The following IL1R1 variants were observed in gnomAD, a reference collection of about 807,000 sequenced individuals.
IL1R1 encodes the protein interleukin-1 receptor type 1.
IL1R1 carries 22 observed loss-of-function variants against 50.2 expected under a neutral mutation model. The observed-to-expected ratio is 0.44, with a 90% confidence interval of 0.31 to 0.63. The LOEUF is 0.63. Ranked by LOEUF, IL1R1 falls within the 20% of genes least tolerant of loss-of-function variation. The pLI is 0.07. For synonymous variants in IL1R1, 251 were observed against 236.7 expected, an observed-to-expected ratio of 1.06 and a Z score of -0.55; for missense variants, 509 against 676.2, an observed-to-expected ratio of 0.75 and a Z score of 2.74.
rs75203714 is a variant in IL1R1, at chr2:102,106,771, G to A, written c.-84+1899G>A. Among the ~76,000 whole-genome samples, 246 of 152,320 alleles carry A rather than the reference G, an allele frequency of 1.6e-3. 10 individuals are homozygous for A. The East Asian group carries it at 0.046, about 29-fold the overall frequency. Reference sequence around the variant, plus strand: ...CGGTTATCTGCTTTTACCTCACAGCGATGGAGCATCTTGTTATGAGAATGA... The same window carrying A: ...CGGTTATCTGCTTTTACCTCACAGCAATGGAGCATCTTGTTATGAGAATGA... On this transcript the variant is annotated intron_variant, in intron 1 of 10. Transcript: ENST00000409329.
chr2:102,091,284 C>T (rs1464645841), intron 1 of IL1R1, among the ~76,000 whole-genome samples: 2 of 152,144 alleles, frequency 1.3e-5, no homozygotes, highest in African/African-American at 4.8e-5. Context: ...TCTTTAACAG[C>T]ATCTTGGATA....
chr2:102,154,876 A>G (rs1684027083), intron 2 of IL1R1, among the ~76,000 whole-genome samples: 1 of 152,162 alleles, frequency 6.6e-6, no homozygotes, highest in Non-Finnish European at 1.5e-5. Context: ...CCTCTGGTTT[A>G]TGCTCCAGAA....
rs3917250 is a variant in IL1R1, at chr2:102,159,174, G to C, written c.61+1389G>C. On this transcript the variant is annotated intron_variant, in intron 3 of 11. Coordinates refer to ENST00000410023, the MANE Select transcript of IL1R1 (RefSeq NM_000877.4). ...GGTGACTTTGACTAGGCAGTCTACA[G>C]CCTGAGGGAAAGGTCTGGGTTGAAT... is the stretch of plus-strand genomic sequence containing the variant. 4.5e-3 allele frequency among the ~76,000 whole-genome samples: 687 copies of C among 152,358 alleles called. 4 individuals carry two copies. The highest frequency in any genetic ancestry group is 0.014 in the African/African-American group (591 of 41,578).
chr2:102,117,685 C>T (rs1446997231), intron 1 of IL1R1, among the ~76,000 whole-genome samples: 1 of 152,174 alleles, frequency 6.6e-6, no homozygotes, highest in Non-Finnish European at 1.5e-5. Context: ...TGGTCCAAGT[C>T]TGTGTGGTCC....
chr2:102,091,912 T>G (rs1251298176), intron 1 of IL1R1, among the ~76,000 whole-genome samples: 1 of 152,254 alleles, frequency 6.6e-6, no homozygotes, highest in Non-Finnish European at 1.5e-5. Context: ...TTCCACTTAA[T>G]GTAATGACTT....
chr2:102,175,454 A>G, intron 10 of IL1R1, 24 bp from the exon 11 acceptor site: 2 of 1,597,258 alleles, frequency 1.3e-6, no homozygotes, highest in Non-Finnish European at 1.7e-6. Context: ...TTGTGGTTCT[A>G]AATACATTAT....
intron 1 of IL1R1, among the ~76,000 whole-genome samples, chr2:102,080,720 T>C (rs1200711202): frequency 1.3e-5 from 2 of 152,202 alleles, no homozygotes; most frequent in East Asian, 3.9e-4. Flanking sequence ...TAGGTATCTA[T>C]GTGACATAAT....
At position 102,175,851 on chromosome 2, in the gene IL1R1, A is replaced by C. The variant is rs375268924; in HGVS notation, c.1303+206A>C. 32 of 620,364 alleles carry C rather than the reference A, an allele frequency of 5.2e-5. 1 individual carries two copies. The highest frequency in any genetic ancestry group is 4.2e-4 in the African/African-American group (23 of 54,248). The allele number at this position is 620,364 out of a possible 1,614,324, so 38.4% of individuals were successfully genotyped here. A position where few individuals can be genotyped will look rare whatever the true frequency, so the allele number is the denominator to read the frequency against. The stretch of plus-strand genomic sequence containing the variant: ...TCAGAGCAATAATTAAGTGATTTTC[A>C]TTTAGTTTTGAAAAACTTAATGACT... On this transcript the variant is annotated intron_variant, in intron 11 of 11. Transcript: ENST00000410023.
rs554178402 is a variant in IL1R1 at position 102,087,641 on chromosome 2, G to T, written c.-84+17108G>T. 3.3e-5 allele frequency among the ~76,000 whole-genome samples: 5 copies of T among 152,234 alleles called. No individual in the cohort carries two copies. The East Asian group carries it at 9.7e-4, about 29-fold the overall frequency. ...TCTCATGAGGTTTGATGGTTTAAAG[G>T]TGTGGCATGTTCCCCCTTGCTCTCT... On this transcript the variant is annotated intron_variant, in intron 1 of 11. Transcript: ENST00000409929.
At chr2:102,121,556 G>A (rs1276535029) in intron 1 of IL1R1, among the ~76,000 whole-genome samples, 7 of 152,092 alleles carry the variant, frequency 4.6e-5, no homozygotes, top group African/African-American at 1.7e-4. Flanking sequence ...TACAGGAAGG[G>A]CCTCCCTGGC....
chr2:102,176,859 C>G lies in IL1R1; in HGVS notation c.*100C>G. 2 of 1,119,652 alleles carry G rather than the reference C, an allele frequency of 1.8e-6. No individual in the cohort carries two copies. Among genetic ancestry groups the G allele is most frequent in the Non-Finnish European group, 2.6e-6 (2 of 767,484 alleles). The allele number at this position is 1,119,652 out of a possible 1,614,324, so 69.4% of individuals were successfully genotyped here. A position where few individuals can be genotyped will look rare whatever the true frequency, so the allele number is the denominator to read the frequency against. On this transcript the variant is annotated 3_prime_UTR_variant, in exon 12 of 12. Coordinates refer to ENST00000410023, the MANE Select transcript of IL1R1 (RefSeq NM_000877.4). ...GACTTGCAGAGTTCATGGAATGTAA[C>G]TATATCATCCTTTATCCCTGAGGTC...
chr2:102,095,453 A>G (rs1679855595), intron 1 of IL1R1, among the ~76,000 whole-genome samples: 1 of 152,226 alleles, frequency 6.6e-6, no homozygotes, highest in African/African-American at 2.4e-5. Context: ...TTTTTACATT[A>G]AAGAATACTG....
chr2:102,116,240 G>GA (rs573308613), intron 1 of IL1R1, among the ~76,000 whole-genome samples: 149 of 152,276 alleles, frequency 9.8e-4, no homozygotes, highest in South Asian at 2.7e-3. Context: ...ACCATGCTGA[G>GA]AAAAAAGTTT....
In IL1R1 at chr2:102,116,560, A is replaced by T. The variant is rs1247853618; in HGVS notation, c.-84+11688A>T. Among the ~76,000 whole-genome samples, 4 of 152,242 alleles carry T rather than the reference A, an allele frequency of 2.6e-5. No individual in the cohort carries two copies. In the East Asian group the frequency reaches 5.8e-4, roughly 22 times the overall value. On this transcript the variant is annotated intron_variant, in intron 1 of 10. Coordinates refer to the IL1R1 transcript ENST00000409329. ...GATAATTTTATTTGTAATAAAGTTCATAAGTGCTGTTGGTGATTAGCCAAA... is the reference window on the plus strand; with the variant it reads ...GATAATTTTATTTGTAATAAAGTTCTTAAGTGCTGTTGGTGATTAGCCAAA...
chr2:102,106,526 G>A (rs376837596), intron 1 of IL1R1, among the ~76,000 whole-genome samples: 18 of 152,152 alleles, frequency 1.2e-4, no homozygotes, highest in African/African-American at 3.6e-4. Flanking sequence ...TCAAAGAATA[G>A]CGAGGGTATA....
At chr2:102,075,166 G>A (rs925255325) in intron 1 of IL1R1, among the ~76,000 whole-genome samples, 37 of 152,080 alleles carry the variant, frequency 2.4e-4, no homozygotes, top group African/African-American at 5.6e-4. Flanking sequence ...ATTGGTAGTG[G>A]GAGTTTGAAT....
At chr2:102,095,764 G>T (rs1679872939) in intron 1 of IL1R1, among the ~76,000 whole-genome samples, 1 of 152,184 alleles carries the variant, frequency 6.6e-6, no homozygotes, top group Non-Finnish European at 1.5e-5. Flanking sequence ...CAGCACTTTG[G>T]GAGGCCGAGG....
upstream of IL1R1, among the ~76,000 whole-genome samples, chr2:102,140,158 T>C (rs1201321455): frequency 6.6e-6 from 1 of 152,236 alleles, no homozygotes; most frequent in Non-Finnish European, 1.5e-5. Flanking sequence ...TCCAATACTT[T>C]GGCTTTGGAG....
chr2:102,155,690 C>A (rs1054378304), intron 2 of IL1R1, among the ~76,000 whole-genome samples: 2 of 152,170 alleles, frequency 1.3e-5, no homozygotes, highest in Admixed American at 6.5e-5. Flanking sequence ...GACTGTTTCC[C>A]AGAGCAGCTC....
Sources: allele counts gnomAD v4.1 joint callset (sites outside exome capture counted in the v4.1 genomes callset), GRCh38; gene constraint gnomAD v4.1.1; transcripts MANE v1.5; gene names NCBI Gene and HGNC (gene_info 2026-07-23, HGNC 2026-07-21).